XNDC1N: variants seen among roughly 807,000 people sequenced by gnomAD.
XNDC1N encodes the protein protein XNDC1N.
chr11:71,883,092 GA>G, the XNDC1N span, among the ~76,000 whole-genome samples: 1 of 152,110 alleles, frequency 6.6e-6, no homozygotes, highest in Non-Finnish European at 1.5e-5. Context: ...AGAAATTAAA[GA>G]AGACACAAAT....
the XNDC1N span, among the ~76,000 whole-genome samples, chr11:71,900,833 A>G: frequency 6.6e-6 from 1 of 152,192 alleles, no homozygotes; most frequent in Non-Finnish European, 1.5e-5. Flanking sequence ...ACAGACTAGA[A>G]AAGGAGCAAC....
chr11:71,884,661 T>C, the XNDC1N span: 1 of 1,420,150 alleles, frequency 7.0e-7, no homozygotes, highest in South Asian at 1.3e-5. Context: ...TTATTATAAT[T>C]GCATGTTTAG....
chr11:71,901,612 C>CA, the XNDC1N span, among the ~76,000 whole-genome samples: 2 of 151,426 alleles, frequency 1.3e-5, no homozygotes, highest in Non-Finnish European at 2.9e-5. Context: ...ACAACAAAAA[C>CA]AAAAACAAAA....
the XNDC1N span, among the ~76,000 whole-genome samples, chr11:71,890,886 G>GA: frequency 1.3e-5 from 2 of 151,906 alleles, no homozygotes; most frequent in Non-Finnish European, 2.9e-5. Flanking sequence ...TAGATATTAG[G>GA]AAAAAATGTC....
At chr11:71,892,682 A>AT in the XNDC1N span, among the ~76,000 whole-genome samples, 687 of 147,604 alleles carry the variant, frequency 4.7e-3, 3 homozygotes, top group Middle Eastern at 0.011. Flanking sequence ...TGCCCGGCTA[A>AT]TTTTTTTTTT....
chr11:71,896,707 GC>G, the XNDC1N span, among the ~76,000 whole-genome samples: 1 of 152,202 alleles, frequency 6.6e-6, no homozygotes, highest in Non-Finnish European at 1.5e-5. Flanking sequence ...GGGATTACAG[GC>G]ATGCGCCAGC....
At chr11:71,903,681 T>G in the XNDC1N span, 1 of 428,302 alleles carries the variant, frequency 2.3e-6, no homozygotes, top group Non-Finnish European at 4.3e-6. Context: ...TCTTTTAGAC[T>G]CTCAGCTGCA....
At chr11:71,895,452 G>T in the XNDC1N span, among the ~76,000 whole-genome samples, 4 of 149,980 alleles carry the variant, frequency 2.7e-5, no homozygotes, top group African/African-American at 9.8e-5. Context: ...TGGGATTACA[G>T]GCATGCGCTA....
the XNDC1N span, among the ~76,000 whole-genome samples, chr11:71,886,132 G>C: frequency 2.6e-5 from 4 of 152,108 alleles, no homozygotes; most frequent in South Asian, 4.1e-4. Context: ...TCACGTGGTG[G>C]AGAGGCGTGT....
chr11:71,900,733 G>A, the XNDC1N span, among the ~76,000 whole-genome samples: 1 of 152,206 alleles, frequency 6.6e-6, no homozygotes, highest in Non-Finnish European at 1.5e-5. Flanking sequence ...GCTTCCTAAA[G>A]GCCAGGCTCT....
chr11:71,913,073 A>G, the XNDC1N span, among the ~76,000 whole-genome samples: 2 of 152,182 alleles, frequency 1.3e-5, no homozygotes, highest in South Asian at 4.2e-4. Flanking sequence ...CTCCCAGGGT[A>G]TTCAGAACAA....
the XNDC1N span, among the ~76,000 whole-genome samples, chr11:71,885,400 A>G: frequency 2.6e-5 from 4 of 152,144 alleles, no homozygotes; most frequent in Non-Finnish European, 2.9e-5. Flanking sequence ...GTTATTAAGG[A>G]CCATCTCACA....
the XNDC1N span, among the ~76,000 whole-genome samples, chr11:71,875,594 G>A: frequency 3.8e-4 from 57 of 151,966 alleles, no homozygotes; most frequent in African/African-American, 1.4e-3. Context: ...TAGAGACTAT[G>A]ATTTTCCTGA....
At chr11:71,895,965 A>C in the XNDC1N span, among the ~76,000 whole-genome samples, 2 of 152,186 alleles carry the variant, frequency 1.3e-5, no homozygotes, top group Non-Finnish European at 2.9e-5. Flanking sequence ...TCATGTCCTC[A>C]CTTCTATGTA....
chr11:71,892,061 T>C, the XNDC1N span, among the ~76,000 whole-genome samples: 1 of 152,192 alleles, frequency 6.6e-6, no homozygotes, highest in South Asian at 2.1e-4. Flanking sequence ...GGTGTACAAC[T>C]TCTGTGATAT....
chr11:71,901,640 C>CT, the XNDC1N span, among the ~76,000 whole-genome samples: 2 of 151,894 alleles, frequency 1.3e-5, no homozygotes, highest in African/African-American at 4.9e-5. Context: ...AAAACCACAA[C>CT]TTTTTGAGAG....
the XNDC1N span, chr11:71,878,636 A>G: frequency 4.2e-6 from 4 of 948,846 alleles, no homozygotes; most frequent in South Asian, 1.7e-5. Context: ...GGCTGCTCAG[A>G]AGATTGAAGA....
chr11:71,917,266 A>C, the XNDC1N span: 1 of 672,864 alleles, frequency 1.5e-6, no homozygotes, highest in East Asian at 2.7e-5. Context: ...CACTTGTCCC[A>C]GTCTCCCAAA....
At chr11:71,897,408 A>T in the XNDC1N span, among the ~76,000 whole-genome samples, 1 of 152,244 alleles carries the variant, frequency 6.6e-6, no homozygotes, top group African/African-American at 2.4e-5. Context: ...TCCCATCAAC[A>T]ATGGTCAGAA....
Sources: allele counts gnomAD v4.1 joint callset (sites outside exome capture counted in the v4.1 genomes callset), GRCh38; gene constraint gnomAD v4.1.1; transcripts MANE v1.5; gene names NCBI Gene and HGNC (gene_info 2026-07-23, HGNC 2026-07-21).